Variants in NRXN2 observed in about 807,000 individuals in gnomAD.
NRXN2 encodes the protein neurexin-2-beta.
A neutral mutation model predicts 128.8 loss-of-function variants in NRXN2; 29 were observed. The observed-to-expected ratio is 0.23, with a 90% confidence interval of 0.17 to 0.31. The LOEUF (loss-of-function observed/expected upper bound fraction) is 0.31. Among genes scored for constraint, NRXN2 ranks in the 10% least tolerant of loss-of-function variants. The pLI is 1.00. For missense variants in NRXN2, 1,881 were observed against 2,452.6 expected, an observed-to-expected ratio of 0.77 and a Z score of 4.92; for synonymous variants, 1,098 against 1,075.2, an observed-to-expected ratio of 1.02 and a Z score of -0.41.
intron 4 of NRXN2, among the ~76,000 whole-genome samples, chr11:64,691,524 C>G (rs553529270): frequency 6.6e-6 from 1 of 152,330 alleles, no homozygotes; most frequent in East Asian, 1.9e-4. Flanking sequence ...TGGGCTCTTA[C>G]TTCAACCCCA....
At chr11:64,636,785 CCAG>C (rs2044783275) in intron 17 of NRXN2, among the ~76,000 whole-genome samples, 1 of 152,006 alleles carries the variant, frequency 6.6e-6, no homozygotes, top group East Asian at 1.9e-4. Context: ...GCAGGCCTTG[CCAG>C]CAGCCAAGGA....
rs1289303590 is a variant in NRXN2, at chr11:64,630,336, G to A, written c.3757+66C>T. ...CGCTTAGCCCCGCCCCGGTGCGGCCGCACTCCTATCAGAGGCCGCCACCCG... is the reference window on the plus strand; with the variant it reads ...CGCTTAGCCCCGCCCCGGTGCGGCCACACTCCTATCAGAGGCCGCCACCCG... On this transcript the variant is annotated intron_variant, in intron 19 of 22. Transcript: ENST00000265459. This position sits in a 1 kb window ranked among gnomAD's most constrained non-coding sequence, Gnocchi z 4.6. 2.9e-6 allele frequency: 3 copies of A among 1,048,130 alleles called. No homozygotes were observed. The highest frequency in any genetic ancestry group is 3.2e-5 in the African/African-American group (2 of 61,572). 64.9% of individuals were successfully genotyped at this position (1,048,130 alleles called of 1,614,324 possible).
rs143769389 is a variant in NRXN2 at position 64,616,505 on chromosome 11, A to G, written c.4252+3789T>C. Among the ~76,000 whole-genome samples the G allele has an allele frequency of 6.9e-3, 1,048 of 152,240 alleles. 4 individuals are homozygous for G. Among genetic ancestry groups the G allele is most frequent in the South Asian group, 0.011 (54 of 4,818 alleles). On this transcript the variant is annotated intron_variant, in intron 22 of 22. Coordinates refer to ENST00000265459, the MANE Select transcript of NRXN2 (RefSeq NM_015080.4). ...TGTGGTCTGAGCACCTGTGTGTGTT[A>G]CACAGGTGGATCTGTGCACATATGT...
At chr11:64,694,988 C>T (rs901273312) in intron 3 of NRXN2, among the ~76,000 whole-genome samples, 7 of 152,210 alleles carry the variant, frequency 4.6e-5, no homozygotes, top group East Asian at 1.9e-4. Context: ...CGTTAGCATT[C>T]GGCAGTCTCC....
At chr11:64,616,511 GTGGATCT>G (rs1385556025) in intron 22 of NRXN2, among the ~76,000 whole-genome samples, 1 of 152,136 alleles carries the variant, frequency 6.6e-6, no homozygotes, top group African/African-American at 2.4e-5. Context: ...TGTTACACAG[GTGGATCT>G]GTGCACATAT....
rs200532325 is a variant in NRXN2 at position 64,715,927 on chromosome 11, A to AC, written c.-244-1985dup. On this transcript the variant is annotated intron_variant, in intron 1 of 22. Coordinates refer to ENST00000265459, the MANE Select transcript of NRXN2 (RefSeq NM_015080.4). ...TGCTCCCAGCCTGATTGACGCCCTC[A>AC]CCCCCCCACACACAAGCATCCCCAG... Among the ~76,000 whole-genome samples the AC allele has an allele frequency of 3.3e-3, 498 of 150,466 alleles. 3 individuals are homozygous for AC. Among genetic ancestry groups the AC allele is most frequent in the African/African-American group, 0.011 (451 of 40,800 alleles).
intron 2 of NRXN2, among the ~76,000 whole-genome samples, chr11:64,702,360 G>A (rs987838641): frequency 1.3e-5 from 2 of 152,110 alleles, no homozygotes; most frequent in Non-Finnish European, 2.9e-5. Flanking sequence ...GAATAGAAAG[G>A]GGGGAAAGGT....
chr11:64,705,803 G>A (rs749644617), intron 2 of NRXN2, among the ~76,000 whole-genome samples: 5 of 149,844 alleles, frequency 3.3e-5, no homozygotes, highest in African/African-American at 9.9e-5. Context: ...ACTTCCAACC[G>A]TGCAGACCTG....
Position 64,622,630 on chromosome 11 carries a change from G to C in NRXN2, c.4173+123C>G. The C allele has an allele frequency of 7.2e-7, 1 of 1,383,260 alleles. No homozygotes were observed. The highest frequency in any genetic ancestry group is 9.8e-7 in the Non-Finnish European group (1 of 1,022,092). The allele number at this position is 1,383,260 out of a possible 1,614,324, so 85.7% of individuals were successfully genotyped here. A position where few individuals can be genotyped will look rare whatever the true frequency, so the allele number is the denominator to read the frequency against. On this transcript the variant is annotated intron_variant, in intron 21 of 22. Coordinates refer to ENST00000265459, the MANE Select transcript of NRXN2 (RefSeq NM_015080.4). This position sits in a 1 kb window ranked among gnomAD's most constrained non-coding sequence, Gnocchi z 4.3. ...CATGGCAACAAAGTCAGCGACAGCA[G>C]CCTTCAGGATCCCAACAGACCCCTT... is the stretch of plus-strand genomic sequence containing the variant.
At chr11:64,689,225 T>C (rs1400934981) in intron 5 of NRXN2, among the ~76,000 whole-genome samples, 2 of 150,754 alleles carry the variant, frequency 1.3e-5, no homozygotes, top group African/African-American at 2.4e-5. Flanking sequence ...TCTCTGTGTC[T>C]CCCTCTCTTT....
At chr11:64,620,866 C>A (rs1461016617) in intron 21 of NRXN2, among the ~76,000 whole-genome samples, 2 of 151,412 alleles carry the variant, frequency 1.3e-5, no homozygotes, top group African/African-American at 4.9e-5. Flanking sequence ...CCTGAGAGAG[C>A]CGGGCTGCAC....
In NRXN2 at chr11:64,623,985, G is replaced by A. The variant is rs1386087177; in HGVS notation, c.3848-907C>T. 1 of 142,824 alleles carries A rather than the reference G, an allele frequency of 7.0e-6. No homozygotes were observed. Among genetic ancestry groups the A allele is most frequent in the Non-Finnish European group, 1.5e-5 (1 of 65,716 alleles). 8.8% of individuals were successfully genotyped at this position (142,824 alleles called of 1,614,324 possible). ...CCTCTGAGTTTGTTGTTTTGGTTTG[G>A]TTTTTAGAAAAGATGTTTATTATGT... On this transcript the variant is annotated intron_variant, in intron 20 of 22. Transcript: ENST00000265459. The surrounding 1 kb of genome is among the most constrained non-coding windows in gnomAD (Gnocchi z 4.9).
Position 64,660,853 on chromosome 11 carries a change from T to G in NRXN2, c.2085A>C (p.Ala695=), listed in dbSNP as rs984147748. The change falls in exon 10 of 23, where the codon GCA becomes GCC. Residue 695 remains alanine, a synonymous_variant. Transcript: ENST00000265459. This position sits in a 1 kb window ranked among gnomAD's most constrained non-coding sequence, Gnocchi z 5.2. ...FCSRETLKQC[A]SAPCRNGGVC... ...CGCCCCCATTGCGACAGGGGGCAGA[T>G]GCACACTGCTTCAGCGTCTCCCGGG... The G allele has an allele frequency of 2.5e-6, 4 of 1,613,862 alleles. No individual in the cohort carries two copies. The highest frequency in any genetic ancestry group is 3.4e-6 in the Non-Finnish European group (4 of 1,179,972).
At position 64,685,830 on chromosome 11, in the gene NRXN2, C is replaced by T. The variant is rs781592079; in HGVS notation, c.968G>A (p.Arg323His). Residue 323 changes from arginine to histidine, a missense_variant, in exon 6 of 23, where the codon CGC becomes CAC. Arg to His is a conservative substitution (Grantham distance 29). Around this residue, in one of 7 missense-constraint regions of NRXN2, gnomAD observed 997 missense variants for 1,240.8 expected, o/e 0.80. Coordinates refer to ENST00000265459, the MANE Select transcript of NRXN2 (RefSeq NM_015080.4). Reference sequence around the variant, plus strand: ...GCCTGTATGCAGCATCAGGCCGTTGCGTTGCAGGGTGCGGAAGGCCAGTGT... The same window carrying T: ...GCCTGTATGCAGCATCAGGCCGTTGTGTTGCAGGGTGCGGAAGGCCAGTGT... ...EITLAFRTLQ[R>H]NGLMLHTGKS... 5 of 1,614,188 alleles carry T rather than the reference C, an allele frequency of 3.1e-6. No individual in the cohort carries two copies. The highest frequency in any genetic ancestry group is 1.1e-5 in the South Asian group (1 of 91,090).
chr11:64,620,143 C>T, intron 22 of NRXN2, 151 bp downstream of exon 22: 1 of 679,398 alleles, frequency 1.5e-6, no homozygotes, highest in Non-Finnish European at 2.6e-6. Context: ...AGCTGAGGGA[C>T]TGGGAGGATG....
chr11:64,691,589 G>C (rs1477320695), intron 4 of NRXN2, among the ~76,000 whole-genome samples: 2 of 152,170 alleles, frequency 1.3e-5, no homozygotes, highest in Non-Finnish European at 2.9e-5. Flanking sequence ...GAACTTTCCA[G>C]GGGGGCTTTC....
At chr11:64,665,566 T>C (rs767183488) in intron 9 of NRXN2, among the ~76,000 whole-genome samples, 3 of 152,102 alleles carry the variant, frequency 2.0e-5, no homozygotes, top group Non-Finnish European at 2.9e-5. Flanking sequence ...ACCCCGGGGA[T>C]GAAACCATTT....
rs978442973 is a variant in NRXN2, at chr11:64,668,310, A to T, written c.1359+133T>A. 2.7e-6 allele frequency: 3 copies of T among 1,131,442 alleles called. No individual in the cohort carries two copies. The Admixed American group carries it at 6.1e-5, about 23-fold the overall frequency. The allele number at this position is 1,131,442 out of a possible 1,614,324, so 70.1% of individuals were successfully genotyped here. ...AGTCAGTGGGCCTTAGGTTTTAAAG[A>T]GGGGGTGTCTCCCACCATGGACTTG... On this transcript the variant is annotated intron_variant, in intron 8 of 22. Coordinates refer to ENST00000265459, the MANE Select transcript of NRXN2 (RefSeq NM_015080.4).
chr11:64,710,531 C>T (rs2135665528), intron 2 of NRXN2, among the ~76,000 whole-genome samples: 1 of 152,272 alleles, frequency 6.6e-6, no homozygotes, highest in South Asian at 2.1e-4. Flanking sequence ...TTTTCACACA[C>T]CCAAGCCCAA....
Sources: allele counts gnomAD v4.1 joint callset (sites outside exome capture counted in the v4.1 genomes callset), GRCh38; gene constraint gnomAD v4.1.1; regional missense constraint gnomAD v4.1.1; non-coding constraint Gnocchi (gnomAD v3.1); transcripts MANE v1.5; gene names NCBI Gene and HGNC (gene_info 2026-07-23, HGNC 2026-07-21).